The following CNOT1 variants were observed in gnomAD, a reference collection of about 807,000 sequenced individuals.
CNOT1 encodes the protein CCR4-associated factor 1.
In CNOT1, 15 loss-of-function variants were observed where a neutral mutation model predicts 273.8. The ratio of observed to expected loss-of-function variants is 0.05; its 90% CI spans 0.04 to 0.08. The LOEUF (loss-of-function observed/expected upper bound fraction) is 0.08. Among genes scored for constraint, CNOT1 ranks in the 10% least tolerant of loss-of-function variants. CNOT1 has a pLI of 1.00. For synonymous variants in CNOT1, 1,022 were observed against 1,005.5 expected (o/e 1.02, Z -0.31); for missense variants, 1,644 against 2,912.2 (o/e 0.56, Z 10.02).
chr16:58,567,921 A>T (rs1181536083), intron 16 of CNOT1, among the ~76,000 whole-genome samples: 2 of 152,234 alleles, frequency 1.3e-5, no homozygotes, highest in East Asian at 3.8e-4. Flanking sequence ...CACAATGACA[A>T]GGTTGGATTT....
At chr16:58,561,070 A>T (rs1309484275) in intron 16 of CNOT1, among the ~76,000 whole-genome samples, 1 of 152,164 alleles carries the variant, frequency 6.6e-6, no homozygotes, top group Non-Finnish European at 1.5e-5. Flanking sequence ...CTGTAATCCC[A>T]GTTACTTGGG....
Position 58,538,254 on chromosome 16 carries a change from T to C in CNOT1, c.5148A>G (p.Glu1716=), listed in dbSNP as rs1258929630. The change falls in exon 37 of 49, where the codon GAA becomes GAG. Residue 1716 remains glutamate, a synonymous_variant. Coordinates refer to ENST00000317147, the MANE Select transcript of CNOT1 (RefSeq NM_016284.5). ...CNKQITRCLI[E]CRDEYKYNVE... ...CATTATATTTATATTCATCTCGACA[T>C]TCAATTAGGCACCTAGAAAAAGTTC... The C allele has an allele frequency of 2.3e-6, 3 of 1,310,886 alleles. No homozygotes were observed. Among genetic ancestry groups the C allele is most frequent in the Non-Finnish European group, 3.3e-6 (3 of 903,194 alleles). 81.2% of individuals were successfully genotyped at this position (1,310,886 alleles called of 1,614,324 possible).
At chr16:58,607,423 C>T (rs183829269) in intron 1 of CNOT1, among the ~76,000 whole-genome samples, 1 of 151,936 alleles carries the variant, frequency 6.6e-6, no homozygotes, top group African/African-American at 2.4e-5. Flanking sequence ...TCACAATAAA[C>T]AAGCCAATGA....
intron 43 of CNOT1, 57 bp downstream of exon 43, chr16:58,530,189 A>G: frequency 7.2e-7 from 1 of 1,386,078 alleles, no homozygotes; most frequent in South Asian, 1.3e-5. Context: ...AGATTCCTAA[A>G]GTGTATTTTC....
intron 1 of CNOT1, among the ~76,000 whole-genome samples, chr16:58,608,929 G>C (rs535337807): frequency 2.0e-5 from 3 of 152,162 alleles, no homozygotes; most frequent in Non-Finnish European, 4.4e-5. Context: ...ATGCAAAGGC[G>C]TAAGAATGAC....
At chr16:58,578,061 T>A (rs1455344406) in intron 13 of CNOT1, among the ~76,000 whole-genome samples, 1 of 152,206 alleles carries the variant, frequency 6.6e-6, no homozygotes, top group African/African-American at 2.4e-5. Flanking sequence ...TGTGAACATA[T>A]GACATCAATA....
At chr16:58,608,825 G>A (rs977443765) in intron 1 of CNOT1, among the ~76,000 whole-genome samples, 1 of 152,200 alleles carries the variant, frequency 6.6e-6, no homozygotes, top group African/African-American at 2.4e-5. Context: ...CGACCTGGAT[G>A]AGACTAGAGA....
At chr16:58,594,607 C>G (rs2042184137) in intron 2 of CNOT1, among the ~76,000 whole-genome samples, 1 of 150,702 alleles carries the variant, frequency 6.6e-6, no homozygotes, top group Non-Finnish European at 1.5e-5. Flanking sequence ...AGTTTGAGAC[C>G]AACCTGACCT....
chr16:58,604,738 G>A (rs540353575), intron 1 of CNOT1, among the ~76,000 whole-genome samples: 93 of 148,142 alleles, frequency 6.3e-4, no homozygotes, highest in African/African-American at 2.1e-3. Context: ...CAGAGGTTGC[G>A]GTGGGCCAAG....
intron 16 of CNOT1, among the ~76,000 whole-genome samples, chr16:58,565,008 C>T (rs1423584303): frequency 6.6e-6 from 1 of 152,184 alleles, no homozygotes; most frequent in Admixed American, 6.5e-5. Flanking sequence ...ACAAATGCTT[C>T]TCACGCCAAT....
rs559393904 is a variant in CNOT1, at chr16:58,598,524, G to A, written c.102+712C>T. ...AAGGAGGTTGCAGTGAGCTGAGATC[G>A]CGTCACTGCACTCCAGCCTGAGCGA... On this transcript the variant is annotated intron_variant, in intron 2 of 48. Coordinates refer to ENST00000317147, the MANE Select transcript of CNOT1 (RefSeq NM_016284.5). Among the ~76,000 whole-genome samples the A allele has an allele frequency of 9.3e-4, 141 of 151,344 alleles. 1 individual carries two copies. Among genetic ancestry groups the A allele is most frequent in the Middle Eastern group, 6.8e-3 (2 of 292 alleles).
rs765223478 is a variant in CNOT1 at position 58,521,015 on chromosome 16, C to T, written c.7074G>A (p.Gln2358=). The change falls in exon 49 of 49, where the codon CAG becomes CAA. Residue 2358 remains glutamine (Q), a synonymous_variant. Coordinates refer to ENST00000317147, the MANE Select transcript of CNOT1 (RefSeq NM_016284.5). ...EIEKLFQSVA[Q]CCMGQKQAQQ... is the part of the protein sequence containing the mutation. ...GGGCCTGCTTCTGTCCCATGCAGCACTGTGCGACCGACTGGAATAACCTGA... is the reference window on the plus strand; with the variant it reads ...GGGCCTGCTTCTGTCCCATGCAGCATTGTGCGACCGACTGGAATAACCTGA... The T allele has an allele frequency of 1.9e-6, 3 of 1,614,124 alleles. No individual in the cohort carries two copies. Among genetic ancestry groups the T allele is most frequent in the Middle Eastern group, 3.3e-4 (2 of 6,062 alleles).
At chr16:58,562,074 C>T (rs1225931921) in intron 16 of CNOT1, among the ~76,000 whole-genome samples, 1 of 151,892 alleles carries the variant, frequency 6.6e-6, no homozygotes, top group Non-Finnish European at 1.5e-5. Context: ...GTGGCGGGCA[C>T]CTCTAATCCC....
rs903293990 is a variant in CNOT1, at chr16:58,574,955, A to ATTTT, written c.1827+48_1827+51dup. ...ATTTTAAAAGTTGTACTTGATAGCC[A>ATTTT]TTTTAGCCACCAAAATTTAAGAGCA... On this transcript the variant is annotated intron_variant, in intron 15 of 48. Coordinates refer to ENST00000317147, the MANE Select transcript of CNOT1 (RefSeq NM_016284.5). 174 of 1,602,770 alleles carry ATTTT rather than the reference A, an allele frequency of 1.1e-4. No homozygotes were observed. In the African/African-American group the frequency reaches 2.1e-3, roughly 20 times the overall value.
At position 58,567,531 on chromosome 16, in the gene CNOT1, T is replaced by C. The variant is rs75393022; in HGVS notation, c.1979+7078A>G. ...AGCATATACCTGTAATCCCAGGTAA[T>C]TGGAGGCAAGACATCATCTCAAAAA... On this transcript the variant is annotated intron_variant, in intron 16 of 48. Transcript: ENST00000317147. Among the ~76,000 whole-genome samples, 2,970 of 147,420 alleles carry C rather than the reference T, an allele frequency of 0.02. 292 individuals are homozygous for C. The East Asian group carries it at 0.3, about 15-fold the overall frequency.
At position 58,547,430 on chromosome 16, in the gene CNOT1, A is replaced by G. The variant is rs1470097200; in HGVS notation, c.3640-134T>C. The G allele has an allele frequency of 2.9e-5, 43 of 1,508,000 alleles. No individual in the cohort carries two copies. The highest frequency in any genetic ancestry group is 3.6e-5 in the Non-Finnish European group (40 of 1,121,720). 93.4% of individuals were successfully genotyped at this position (1,508,000 alleles called of 1,614,324 possible). ...ATAATGTCTAGTCCTTGCCTTACAA[A>G]AAGGGGTTAACAACTCAAAACGTGG... On this transcript the variant is annotated intron_variant, in intron 26 of 48. Coordinates refer to ENST00000317147, the MANE Select transcript of CNOT1 (RefSeq NM_016284.5). This position sits in a 1 kb window ranked among gnomAD's most constrained non-coding sequence, Gnocchi z 4.0.
At chr16:58,605,108 C>T (rs370753114) in intron 1 of CNOT1, among the ~76,000 whole-genome samples, 16 of 152,096 alleles carry the variant, frequency 1.1e-4, no homozygotes, top group Non-Finnish European at 1.6e-4. Flanking sequence ...TGCACTGCAG[C>T]GTAGGCGACA....
intron 3 of CNOT1, among the ~76,000 whole-genome samples, 185 bp from the exon 4 acceptor site, chr16:58,588,063 C>T (rs1026207478): frequency 1.3e-5 from 2 of 152,172 alleles, no homozygotes; most frequent in African/African-American, 4.8e-5. Flanking sequence ...CTTTGAGAGG[C>T]CAATGCAGGT....
chr16:58,521,896 A>G (rs1374880880), intron 47 of CNOT1, among the ~76,000 whole-genome samples: 3 of 152,176 alleles, frequency 2.0e-5, no homozygotes, highest in African/African-American at 4.8e-5. Flanking sequence ...GGTTGTGGTG[A>G]GCCGAGATGG....
Sources: allele counts gnomAD v4.1 joint callset (sites outside exome capture counted in the v4.1 genomes callset), GRCh38; gene constraint gnomAD v4.1.1; non-coding constraint Gnocchi (gnomAD v3.1); transcripts MANE v1.5; gene names NCBI Gene and HGNC (gene_info 2026-07-23, HGNC 2026-07-21).